The following WDPCP variants were observed in gnomAD, a reference collection of about 807,000 sequenced individuals.
The protein encoded by WDPCP is WD repeat-containing and planar cell polarity effector protein fritz homolog.
In WDPCP, 71 loss-of-function variants were observed where a neutral mutation model predicts 93.1. The ratio of observed to expected loss-of-function variants is 0.76; its 90% confidence interval spans 0.63 to 0.93. The LOEUF (loss-of-function observed/expected upper bound fraction) is 0.93. WDPCP is among the 40% of genes least tolerant of loss of function. The pLI is 0.00. For synonymous variants in WDPCP, 315 were observed against 315.0 expected (o/e 1.00, Z 0.00); for missense variants, 844 against 887.4 (o/e 0.95, Z 0.62).
chr2:63,280,599 C>CA (rs1683462428), intron 13 of WDPCP, among the ~76,000 whole-genome samples: 1 of 152,106 alleles, frequency 6.6e-6, no homozygotes, highest in African/African-American at 2.4e-5. Flanking sequence ...CTACAGTCAC[C>CA]AAAACAGCAT....
At chr2:63,146,690 G>A (rs1003799174) in intron 17 of WDPCP, among the ~76,000 whole-genome samples, 5 of 152,094 alleles carry the variant, frequency 3.3e-5, no homozygotes, top group Non-Finnish European at 5.9e-5. Context: ...TTTTTAACAT[G>A]TTAATGATAT....
intron 2 of WDPCP, among the ~76,000 whole-genome samples, chr2:63,690,542 C>T (rs1389226936): frequency 4.6e-5 from 7 of 151,932 alleles, no homozygotes; most frequent in African/African-American, 1.5e-4. Context: ...TCGCTTGAGC[C>T]CAGGAGTTTG....
At chr2:63,361,631 A>C (rs924694334) in intron 12 of WDPCP, among the ~76,000 whole-genome samples, 2 of 152,176 alleles carry the variant, frequency 1.3e-5, no homozygotes, top group African/African-American at 4.8e-5. Context: ...TAGGGTAGAA[A>C]ACTCTCCCTA....
In WDPCP at chr2:63,416,911, A is replaced by C. The variant is rs1412171479; in HGVS notation, c.826-12254T>G. ...CTGACCCTGTATAACAGCCACAGAC[A>C]ACACCGTACAGTTAAAAAGGCAAAT... is the stretch of plus-strand genomic sequence containing the variant. On this transcript the variant is annotated intron_variant, in intron 9 of 17. Transcript: ENST00000272321. 5.8e-4 allele frequency among the ~76,000 whole-genome samples: 89 copies of C among 152,332 alleles called. 1 individual carries two copies. Among genetic ancestry groups the C allele is most frequent in the Admixed American group, 5.7e-3 (87 of 15,300 alleles).
chr2:63,560,174 G>A (rs1706487530), intron 1 of WDPCP, among the ~76,000 whole-genome samples: 1 of 152,104 alleles, frequency 6.6e-6, no homozygotes, highest in Non-Finnish European at 1.5e-5. Context: ...AGTGAGCCAA[G>A]ATCGCACCAT....
Position 63,323,037 on chromosome 2 carries a change from C to T in WDPCP, c.1749-9726G>A, listed in dbSNP as rs534099665. 5.3e-5 allele frequency among the ~76,000 whole-genome samples: 8 copies of T among 152,302 alleles called. No homozygotes were observed. The East Asian group carries it at 7.8e-4, about 15-fold the overall frequency. On this transcript the variant is annotated intron_variant, in intron 12 of 17. Coordinates refer to ENST00000272321, the MANE Select transcript of WDPCP (RefSeq NM_015910.7). Reference sequence around the variant, plus strand: ...CGTTGGTTTGCCTGGAACCAGCTTCCGCTTTTCCTGTACTTCTGGACTGAG... The same window carrying T: ...CGTTGGTTTGCCTGGAACCAGCTTCTGCTTTTCCTGTACTTCTGGACTGAG...
intron 2 of WDPCP, among the ~76,000 whole-genome samples, chr2:63,766,585 A>T (rs1369697713): frequency 6.6e-6 from 1 of 152,176 alleles, no homozygotes; most frequent in Non-Finnish European, 1.5e-5. Context: ...ACTTAAAAAA[A>T]AAAAGCTTTA....
In WDPCP at chr2:63,748,799, T is replaced by G. The variant is rs540385185; in HGVS notation, n.308+64823A>C. 4.6e-5 allele frequency among the ~76,000 whole-genome samples: 7 copies of G among 152,122 alleles called. 1 individual carries two copies. The East Asian group carries it at 1.3e-3, about 29-fold the overall frequency. On this transcript the variant is annotated intron_variant and non_coding_transcript_variant, in intron 2 of 4. Coordinates refer to the WDPCP transcript ENST00000467687. ...TCACTCGTATATTTTGTTGTGTTTT[T>G]GTTGTGAGTTGTTCATTTTACTTAG...
chr2:63,341,087 G>A (rs1688800589), intron 12 of WDPCP, among the ~76,000 whole-genome samples: 2 of 152,104 alleles, frequency 1.3e-5, no homozygotes, highest in Non-Finnish European at 2.9e-5. Context: ...ATTCTACTCT[G>A]ACAGAAACTG....
intron 6 of WDPCP, among the ~76,000 whole-genome samples, chr2:63,476,373 T>C (rs1699972945): frequency 6.6e-6 from 1 of 152,188 alleles, no homozygotes; most frequent in African/African-American, 2.4e-5. Flanking sequence ...AGACACCCTA[T>C]TTAAGTCTCA....
intron 3 of WDPCP, among the ~76,000 whole-genome samples, chr2:63,640,139 G>C (rs1192599297): frequency 6.6e-6 from 1 of 152,086 alleles, no homozygotes; most frequent in African/African-American, 2.4e-5. Flanking sequence ...CTCCCGAGTA[G>C]CTGGGACTAC....
chr2:63,369,530 A>G (rs865850545), intron 12 of WDPCP: 4 of 456,550 alleles, frequency 8.8e-6, no homozygotes, highest in Middle Eastern at 6.5e-4. Flanking sequence ...AACAATTCCA[A>G]ACAGATACCT....
At chr2:63,599,409 C>T (rs1368035938) in intron 3 of WDPCP, 1 of 997,938 alleles carries the variant, frequency 1.0e-6, no homozygotes, top group African/African-American at 1.7e-5. Flanking sequence ...TAGTAGGAAC[C>T]TATTACTTTT....
intron 1 of WDPCP, among the ~76,000 whole-genome samples, chr2:63,540,071 C>T (rs985070713): frequency 2.6e-5 from 4 of 152,064 alleles, no homozygotes; most frequent in Non-Finnish European, 5.9e-5. Context: ...AGAAACTTTT[C>T]GGTATCACTA....
intron 17 of WDPCP, among the ~76,000 whole-genome samples, chr2:63,133,101 T>A (rs1670394677): frequency 6.6e-6 from 1 of 152,220 alleles, no homozygotes; most frequent in Non-Finnish European, 1.5e-5. Context: ...TCTTCTCAGG[T>A]CTTTACTGAG....
At chr2:63,571,457 T>A (rs1352609625) in intron 1 of WDPCP, 1 of 467,676 alleles carries the variant, frequency 2.1e-6, no homozygotes, top group Non-Finnish European at 4.4e-6. Flanking sequence ...CCTTTAGCAT[T>A]TCTTGCAGTG....
intron 17 of WDPCP, among the ~76,000 whole-genome samples, chr2:63,142,736 G>C (rs1008836962): frequency 6.6e-6 from 1 of 151,272 alleles, no homozygotes; most frequent in Non-Finnish European, 1.5e-5. Context: ...GTAGGTCTTA[G>C]GTCTATTCTT....
chr2:63,693,233 T>C (rs901186586), intron 2 of WDPCP, among the ~76,000 whole-genome samples: 3 of 152,160 alleles, frequency 2.0e-5, no homozygotes, highest in African/African-American at 7.2e-5. Context: ...AACTAGGGAA[T>C]AAACTTTACA....
intron 12 of WDPCP, among the ~76,000 whole-genome samples, chr2:63,371,733 G>C (rs1392586265): frequency 2.0e-5 from 3 of 151,986 alleles, no homozygotes; most frequent in Admixed American, 2.0e-4. Context: ...TCCAGGGCCA[G>C]GGCCAAGGCT....
Sources: allele counts gnomAD v4.1 joint callset (sites outside exome capture counted in the v4.1 genomes callset), GRCh38; gene constraint gnomAD v4.1.1; transcripts MANE v1.5; gene names NCBI Gene and HGNC (gene_info 2026-07-23, HGNC 2026-07-21).